STS: variants seen among roughly 807,000 people sequenced by gnomAD.
STS encodes the protein steroid sulfatase, also known as steryl-sulfatase.
A neutral mutation model predicts 26.8 loss-of-function variants in STS; 7 were observed. The observed-to-expected ratio is 0.26, with a 90% CI of 0.15 to 0.49. The LOEUF (loss-of-function observed/expected upper bound fraction) is 0.49, where lower values mean the gene tolerates loss of function less well. STS is among the 20% of genes least tolerant of loss of function. The pLI is 0.98. For synonymous variants in STS, 199 were observed against 189.4 expected, an observed-to-expected ratio of 1.05 and a Z score of -0.42; for missense variants, 434 against 465.6, an observed-to-expected ratio of 0.93 and a Z score of 0.63.
intron 6 of STS, among the ~76,000 whole-genome samples, chrX:7,268,076 G>C (rs1241429192): frequency 9.1e-6 from 1 of 110,318 alleles, no homozygotes; most frequent in Non-Finnish European, 1.9e-5. Flanking sequence ...CAAGACATCA[G>C]CATGATGGAA....
intron 2 of STS, among the ~76,000 whole-genome samples, chrX:7,249,121 C>T (rs1233097222): frequency 9.1e-6 from 1 of 110,003 alleles, no homozygotes; most frequent in Non-Finnish European, 1.9e-5. Flanking sequence ...AAGTTCAGGC[C>T]GAGAAGCAGT....
chrX:7,247,109 C>A (rs1401646033), intron 2 of STS, among the ~76,000 whole-genome samples: 1 of 111,979 alleles, frequency 8.9e-6, no homozygotes, highest in Non-Finnish European at 1.9e-5. Context: ...GTGAATGTGA[C>A]CATCGAACAC....
chrX:7,338,490 T>A (rs1447968609), intron 10 of STS, among the ~76,000 whole-genome samples: 1 of 112,065 alleles, frequency 8.9e-6, no homozygotes, highest in East Asian at 2.8e-4. Flanking sequence ...GAAAGTCACA[T>A]ATATTTAAAA....
In STS at chrX:7,350,654, A is replaced by G. The variant is rs1180144973; in HGVS notation, c.*393A>G. On this transcript the variant is annotated 3_prime_UTR_variant, in exon 11 of 11. Coordinates refer to ENST00000674429, the MANE Select transcript of STS (RefSeq NM_001320752.2). ...CTCAGCAAATACCTATGTCAACAGT[A>G]TAAGTTACCATTTACTCTATAATCT... is the stretch of plus-strand genomic sequence containing the variant. 1 of 161,259 alleles carries G rather than the reference A, an allele frequency of 6.2e-6. No individual in the cohort carries two copies. The highest frequency in any genetic ancestry group is 1.2e-5 in the Non-Finnish European group (1 of 85,144). The allele number at this position is 161,259 out of a possible 1,213,427, so 13.3% of individuals were successfully genotyped here.
intron 2 of STS, among the ~76,000 whole-genome samples, chrX:7,231,068 C>T (rs1922038128): frequency 8.9e-6 from 1 of 111,795 alleles, no homozygotes; most frequent in African/African-American, 3.3e-5. Flanking sequence ...TGGCATTATT[C>T]ATGATTTTCC....
rs1214972995 is a variant in STS, at chrX:7,238,161, TAC to T, written c.-4-15029_-4-15028del. 1.1e-4 allele frequency among the ~76,000 whole-genome samples: 10 copies of T among 91,576 alleles called. 1 individual carries two copies. The highest frequency in any genetic ancestry group is 1.1e-3 in the South Asian group (2 of 1,765). The allele number at this position is 91,576 out of a possible 115,157, so 79.5% of individuals were successfully genotyped here. ...GTGTGTGTGTGTGTGTGTGTGTGTGTACACACAATGCGTGGTGTAGATAGATA... is the reference window on the plus strand; with the variant it reads ...GTGTGTGTGTGTGTGTGTGTGTGTGTACACAATGCGTGGTGTAGATAGATA... On this transcript the variant is annotated intron_variant, in intron 2 of 10. Coordinates refer to ENST00000674429, the MANE Select transcript of STS (RefSeq NM_001320752.2).
intron 2 of STS, 129 bp from the exon 3 acceptor site, chrX:7,253,067 C>A: frequency 1.3e-6 from 1 of 782,094 alleles, no homozygotes; most frequent in Non-Finnish European, 1.9e-6. Context: ...AGGAGGATCG[C>A]TTAAACCCAG....
chrX:7,282,198 G>C (rs1924899256), intron 7 of STS, among the ~76,000 whole-genome samples: 1 of 111,136 alleles, frequency 9.0e-6, no homozygotes, highest in Non-Finnish European at 1.9e-5. Context: ...TTGTTTGTTT[G>C]TTTGTTTGTT....
intron 2 of STS, chrX:7,219,735 A>G (rs890502910): frequency 3.3e-5 from 39 of 1,188,595 alleles, no homozygotes; most frequent in African/African-American, 5.3e-5. Flanking sequence ...ACCCTGAAAC[A>G]TACTAGTTGG....
At chrX:7,181,286 T>C (rs1933676360) in intron 1 of STS, among the ~76,000 whole-genome samples, 1 of 112,549 alleles carries the variant, frequency 8.9e-6, no homozygotes, top group Non-Finnish European at 1.9e-5. Context: ...GAAGAAACTA[T>C]TGTTTTTTAG....
intron 10 of STS, among the ~76,000 whole-genome samples, chrX:7,346,608 G>A (rs1193085258): frequency 8.9e-6 from 1 of 111,828 alleles, no homozygotes; most frequent in Non-Finnish European, 1.9e-5. Flanking sequence ...TTTCAGTGGT[G>A]AGGGAGAAAC....
chrX:7,289,227 G>A (rs1366365867), intron 7 of STS, among the ~76,000 whole-genome samples: 1 of 111,444 alleles, frequency 9.0e-6, no homozygotes, highest in African/African-American at 3.3e-5. Flanking sequence ...GGTTTTAGGA[G>A]GAGGTGAGGG....
At chrX:7,323,618 C>G (rs1448680000) in intron 8 of STS, among the ~76,000 whole-genome samples, 2 of 111,718 alleles carry the variant, frequency 1.8e-5, no homozygotes, top group Admixed American at 9.5e-5. Context: ...TTTATCCAAT[C>G]CCTGTCGATG....
At chrX:7,190,581 C>G (rs1933854584) in intron 1 of STS, among the ~76,000 whole-genome samples, 1 of 110,161 alleles carries the variant, frequency 9.1e-6, no homozygotes, top group East Asian at 2.9e-4. Flanking sequence ...AGTTTAAGAC[C>G]AGCCTGGACA....
chrX:7,301,836 T>TTAGTGAATTTCAGA (rs1925980030), intron 7 of STS, among the ~76,000 whole-genome samples: 1 of 112,176 alleles, frequency 8.9e-6, no homozygotes, highest in Non-Finnish European at 1.9e-5. Flanking sequence ...GATTGACTCC[T>TTAGTGAATTTCAGA]TTCACTTAGA....
At chrX:7,190,540 T>G (rs983077545) in intron 1 of STS, among the ~76,000 whole-genome samples, 1 of 110,904 alleles carries the variant, frequency 9.0e-6, no homozygotes, top group Non-Finnish European at 1.9e-5. Context: ...ATCCCAACAC[T>G]TTGTCAGGCT....
chrX:7,171,915 A>G (rs775334208), intron 1 of STS, among the ~76,000 whole-genome samples: 2 of 111,927 alleles, frequency 1.8e-5, no homozygotes, highest in Middle Eastern at 4.2e-3. Context: ...CATGTTTACA[A>G]GTTTTTTGAG....
chrX:7,161,042 A>T (rs757760956), intron 1 of STS, among the ~76,000 whole-genome samples: 1 of 110,214 alleles, frequency 9.1e-6, no homozygotes, highest in Non-Finnish European at 1.9e-5. Flanking sequence ...CACAACCTCC[A>T]CCTCCTGGGT....
intron 10 of STS, among the ~76,000 whole-genome samples, chrX:7,336,012 C>T (rs1240681780): frequency 4.5e-5 from 5 of 111,567 alleles, no homozygotes; most frequent in Admixed American, 1.9e-4. Flanking sequence ...GTTACTGTAG[C>T]CTTGTAGTAT....
Sources: gnomAD v4.1 joint callset for allele counts (sites outside exome capture counted in the v4.1 genomes callset) on GRCh38, gnomAD v4.1.1 for gene constraint, MANE v1.5 for transcripts, NCBI Gene and HGNC (gene_info 2026-07-23, HGNC 2026-07-21) for gene names.